NTN1: variants seen among roughly 807,000 people sequenced by gnomAD.
NTN1 encodes netrin-1.
A neutral mutation model predicts 54.2 loss-of-function variants in NTN1; 11 were observed. The observed-to-expected ratio is 0.20, with a 90% confidence interval of 0.13 to 0.34. NTN1 has a LOEUF of 0.34. Among genes scored for constraint, NTN1 ranks in the 10% least tolerant of loss-of-function variants. NTN1 has a pLI of 1.00. For missense variants in NTN1, 740 were observed against 893.1 expected (o/e 0.83, Z 2.18); for synonymous variants, 371 against 382.0 (o/e 0.97, Z 0.33).
intron 2 of NTN1, among the ~76,000 whole-genome samples, chr17:9,053,053 G>A (rs1339317242): frequency 6.6e-6 from 1 of 152,236 alleles, no homozygotes; most frequent in Non-Finnish European, 1.5e-5. Flanking sequence ...GGATGACGAT[G>A]TAATTGGCAA....
At chr17:9,178,514 G>A (rs2092408059) in intron 3 of NTN1, among the ~76,000 whole-genome samples, 1 of 152,252 alleles carries the variant, frequency 6.6e-6, no homozygotes, top group Non-Finnish European at 1.5e-5. Flanking sequence ...CGGCTGGGCT[G>A]GGAGAGGTCG....
intron 2 of NTN1, among the ~76,000 whole-genome samples, chr17:9,051,114 G>A (rs528772941): frequency 2.6e-5 from 4 of 152,266 alleles, no homozygotes; most frequent in Admixed American, 1.3e-4. Flanking sequence ...GGGGACCCTC[G>A]GGAAGGCAGC....
intron 4 of NTN1, among the ~76,000 whole-genome samples, chr17:9,181,252 C>T (rs755519716): frequency 2.0e-5 from 3 of 152,094 alleles, no homozygotes; most frequent in South Asian, 4.1e-4. Context: ...TTGCTCTTCC[C>T]GAGGGAAGAG....
intron 5 of NTN1, among the ~76,000 whole-genome samples, chr17:9,185,171 C>T (rs2092429587): frequency 6.6e-6 from 1 of 152,172 alleles, no homozygotes; most frequent in African/African-American, 2.4e-5. Flanking sequence ...GTGTCTGATG[C>T]TCTCCCCAGA....
chr17:9,026,337 A>T (rs1266102845), intron 2 of NTN1, among the ~76,000 whole-genome samples: 1 of 149,516 alleles, frequency 6.7e-6, no homozygotes, highest in East Asian at 2.0e-4. Flanking sequence ...ATGGAATAAA[A>T]TGTGAACGTT....
At chr17:9,054,831 A>G (rs777208076) in intron 2 of NTN1, among the ~76,000 whole-genome samples, 24 of 152,168 alleles carry the variant, frequency 1.6e-4, no homozygotes, top group Non-Finnish European at 2.4e-4. Context: ...TGGGATGCTA[A>G]TGGCCCTTTA....
chr17:9,198,699 T>C (rs989605433), intron 5 of NTN1, among the ~76,000 whole-genome samples: 3 of 152,128 alleles, frequency 2.0e-5, no homozygotes, highest in Non-Finnish European at 4.4e-5. Context: ...ACATCTCTTC[T>C]CTAGAAGACC....
rs571014802 is a variant in NTN1 at position 9,083,825 on chromosome 17, G to T, written c.1018+60434G>T. ...AGTTACACAAACCCATGTAATTCAA[G>T]CCATTTTGGGTCGAGTTTTCTGTTA... On this transcript the variant is annotated intron_variant, in intron 2 of 6. Transcript: ENST00000173229. 4.6e-5 allele frequency among the ~76,000 whole-genome samples: 7 copies of T among 152,326 alleles called. 1 individual carries two copies. The South Asian group carries it at 1.5e-3, about 32-fold the overall frequency.
In NTN1 at chr17:9,165,537, G is replaced by C. The variant is rs569113254; in HGVS notation, c.1207+2536G>C. 6.6e-6 allele frequency among the ~76,000 whole-genome samples: 1 copy of C among 152,216 alleles called. No homozygotes were observed. The highest frequency in any genetic ancestry group is 1.5e-5 in the Non-Finnish European group (1 of 68,042). On this transcript the variant is annotated intron_variant, in intron 3 of 6. Transcript: ENST00000173229. This position sits in a 1 kb window ranked among gnomAD's most constrained non-coding sequence, Gnocchi z 4.5. ...CCCAGCCATGGACAGCAGCTGCCCC[G>C]GCCTTGGTGGGAACCCTGGGAGAAT...
chr17:9,159,919 A>G (rs1306722554), intron 2 of NTN1, among the ~76,000 whole-genome samples: 1 of 152,208 alleles, frequency 6.6e-6, no homozygotes, highest in Admixed American at 6.5e-5. Context: ...GAGCACAAAT[A>G]TATATGTTCA....
intron 4 of NTN1, among the ~76,000 whole-genome samples, chr17:9,181,285 TG>T (rs1220208419): frequency 6.6e-6 from 1 of 152,180 alleles, no homozygotes; most frequent in East Asian, 1.9e-4. Context: ...AGACAGTGCC[TG>T]GGGGACTCGT....
At chr17:9,042,012 GA>G (rs577648784) in intron 2 of NTN1, among the ~76,000 whole-genome samples, 17,638 of 116,172 alleles carry the variant, frequency 0.15, 1,347 homozygotes, top group Non-Finnish European at 0.21. Context: ...CTGTCAAAAA[GA>G]AAAAAAAAAA....
At chr17:9,007,886 A>G in the NTN1 span, among the ~76,000 whole-genome samples, 3 of 151,942 alleles carry the variant, frequency 2.0e-5, no homozygotes, top group African/African-American at 7.3e-5. Flanking sequence ...TGCAAGCCAC[A>G]ATGCCTGCAA....
At chr17:9,190,898 T>G (rs567871939) in intron 5 of NTN1, among the ~76,000 whole-genome samples, 1 of 151,962 alleles carries the variant, frequency 6.6e-6, no homozygotes, top group Non-Finnish European at 1.5e-5. Flanking sequence ...ACATAAGAAC[T>G]TAGCATATGG....
At chr17:9,226,498 AGGTGGTCTCGTGGGGAGGTGGTCTCG>A (rs1905563449) in intron 6 of NTN1, among the ~76,000 whole-genome samples, 1 of 80,642 alleles carries the variant, frequency 1.2e-5, no homozygotes, top group Admixed American at 1.4e-4. Flanking sequence ...TCTCGTGGGG[AGGTGGTCTCGTGGGGAGGTGGTCTCG>A]TGGGGAGGCG....
chr17:9,080,010 G>C (rs963793740), intron 2 of NTN1, among the ~76,000 whole-genome samples: 43 of 151,002 alleles, frequency 2.8e-4, no homozygotes, highest in African/African-American at 9.5e-4. Flanking sequence ...CCATGAGGAC[G>C]TGTTTCCCCA....
At chr17:9,179,715 T>C in intron 3 of NTN1, 92 bp from the exon 4 acceptor site, 1 of 1,466,048 alleles carries the variant, frequency 6.8e-7, no homozygotes, top group Non-Finnish European at 9.2e-7. Context: ...CAGGGCAGGG[T>C]CCATGGAGGC....
intron 2 of NTN1, among the ~76,000 whole-genome samples, chr17:9,055,679 G>A (rs2091976883): frequency 6.6e-6 from 1 of 152,114 alleles, no homozygotes; most frequent in Admixed American, 6.5e-5. Context: ...AGGCAGGATG[G>A]ATACCATCTT....
At chr17:9,031,314 G>T (rs8065721) in intron 2 of NTN1, among the ~76,000 whole-genome samples, 30,748 of 152,078 alleles carry the variant, frequency 0.2, 3,335 homozygotes, top group African/African-American at 0.25. Flanking sequence ...CATTGTCAGG[G>T]CTTCTGATTT....
Sources: allele counts gnomAD v4.1 joint callset (sites outside exome capture counted in the v4.1 genomes callset), GRCh38; gene constraint gnomAD v4.1.1; non-coding constraint Gnocchi (gnomAD v3.1); transcripts MANE v1.5; gene names NCBI Gene and HGNC (gene_info 2026-07-23, HGNC 2026-07-21).